Variants in CNTN4 observed in about 807,000 individuals in gnomAD.
CNTN4 encodes the protein contactin-4.
Under a neutral mutation model 122.5 loss-of-function variants are expected in CNTN4, and 77 were observed. The observed-to-expected ratio is 0.63, with a 90% CI of 0.52 to 0.76. The LOEUF (loss-of-function observed/expected upper bound fraction) is 0.76, where lower values mean the gene tolerates loss of function less well. CNTN4 is among the 30% of genes least tolerant of loss of function. The pLI is 0.00. For synonymous variants in CNTN4, 512 were observed against 447.0 expected, an observed-to-expected ratio of 1.15 and a Z score of -1.83; for missense variants, 1,256 against 1,259.1, an observed-to-expected ratio of 1.00 and a Z score of 0.04.
intron 6 of CNTN4, among the ~76,000 whole-genome samples, chr3:2,791,737 C>A (rs1179938399): frequency 6.6e-6 from 1 of 152,134 alleles, no homozygotes; most frequent in Non-Finnish European, 1.5e-5. Context: ...ATACCCGAAA[C>A]TTAGTAGGAA....
intron 4 of CNTN4, among the ~76,000 whole-genome samples, chr3:2,593,066 C>T (rs2080577346): frequency 6.6e-6 from 1 of 152,152 alleles, no homozygotes; most frequent in South Asian, 2.1e-4. Context: ...AACACCCACT[C>T]AGCTCTCCCT....
At chr3:2,254,248 C>G (rs564572166) in intron 2 of CNTN4, among the ~76,000 whole-genome samples, 2 of 152,148 alleles carry the variant, frequency 1.3e-5, no homozygotes, top group South Asian at 2.1e-4. Flanking sequence ...GCATAGTATT[C>G]CATGGTGTAT....
In CNTN4 at chr3:3,006,063, C is replaced by T. The variant is rs564595099; in HGVS notation, c.1486+17591C>T. 7.9e-5 allele frequency among the ~76,000 whole-genome samples: 12 copies of T among 151,494 alleles called. No individual in the cohort carries two copies. In the East Asian group the frequency reaches 2.0e-3, roughly 25 times the overall value. On this transcript the variant is annotated intron_variant, in intron 14 of 24. Transcript: ENST00000418658. ...CCCACGCTCGGCTAATTTTTTTTTG[C>T]ATTTTTAGTAGAGACGGGGTTTCAG... is the stretch of plus-strand genomic sequence containing the variant.
At chr3:2,886,973 G>A (rs969645035) in intron 9 of CNTN4, 67 bp from the exon 10 acceptor site, 28 of 1,388,580 alleles carry the variant, frequency 2.0e-5, no homozygotes, top group South Asian at 9.7e-5. Context: ...AGAAGGAAGC[G>A]TTTAGGTTCA....
intron 8 of CNTN4, among the ~76,000 whole-genome samples, chr3:2,875,495 C>T (rs546171417): frequency 6.6e-6 from 1 of 152,256 alleles, no homozygotes; most frequent in South Asian, 2.1e-4. Flanking sequence ...ATGGGCCCAC[C>T]ACCTATTTTT....
At chr3:2,819,187 C>T (rs185157214) in intron 6 of CNTN4, among the ~76,000 whole-genome samples, 53 of 152,312 alleles carry the variant, frequency 3.5e-4, no homozygotes, top group African/African-American at 1.1e-3. Context: ...CATGTGGCTA[C>T]TGAGCACTTG....
chr3:2,684,625 A>T (rs1404557739), intron 4 of CNTN4, among the ~76,000 whole-genome samples: 2 of 152,300 alleles, frequency 1.3e-5, no homozygotes, highest in East Asian at 3.9e-4. Context: ...TTGCACCTAG[A>T]TTTAGCTAAA....
intron 4 of CNTN4, among the ~76,000 whole-genome samples, chr3:2,721,357 G>C (rs1412859577): frequency 1.3e-5 from 2 of 152,158 alleles, no homozygotes; most frequent in African/African-American, 4.8e-5. Flanking sequence ...TAGTGGCAGA[G>C]TAACCAAGGC....
chr3:2,141,197 A>G (rs1302442530), intron 2 of CNTN4, among the ~76,000 whole-genome samples: 1 of 152,296 alleles, frequency 6.6e-6, no homozygotes, highest in Middle Eastern at 3.4e-3. Context: ...TAATCTCTAG[A>G]ACCTCTGAAT....
intron 2 of CNTN4, among the ~76,000 whole-genome samples, chr3:2,318,537 G>A (rs961032485): frequency 6.6e-6 from 1 of 152,158 alleles, no homozygotes; most frequent in African/African-American, 2.4e-5. Context: ...CTCCTAACAT[G>A]TGAGAGCTGC....
chr3:2,898,467 C>G (rs1237645472), intron 10 of CNTN4, among the ~76,000 whole-genome samples: 2 of 152,172 alleles, frequency 1.3e-5, no homozygotes, highest in Non-Finnish European at 2.9e-5. Flanking sequence ...AGAATGAGCC[C>G]TCAGAAGTGC....
chr3:2,303,099 A>G (rs1020829508), intron 2 of CNTN4, among the ~76,000 whole-genome samples: 1 of 152,222 alleles, frequency 6.6e-6, no homozygotes, highest in African/African-American at 2.4e-5. Flanking sequence ...CTGTTTTCAG[A>G]TAAGGTGCTG....
intron 4 of CNTN4, among the ~76,000 whole-genome samples, chr3:2,710,623 A>G (rs902146807): frequency 1.3e-5 from 2 of 152,154 alleles, no homozygotes; most frequent in Admixed American, 6.5e-5. Context: ...GTCTGTCTTC[A>G]ACTAATTTTA....
At chr3:2,332,901 AT>A (rs1178794967) in intron 2 of CNTN4, among the ~76,000 whole-genome samples, 1 of 151,690 alleles carries the variant, frequency 6.6e-6, no homozygotes, top group African/African-American at 2.4e-5. Flanking sequence ...TTAAAAAAAA[AT>A]AAGACTTTTT....
chr3:2,891,882 GGT>G (rs1024604922), intron 10 of CNTN4, among the ~76,000 whole-genome samples: 3 of 152,182 alleles, frequency 2.0e-5, no homozygotes, highest in African/African-American at 7.2e-5. Context: ...GTTGTTTTGT[GGT>G]GAATGGATGA....
At chr3:2,393,378 A>G (rs1317388924) in intron 3 of CNTN4, among the ~76,000 whole-genome samples, 1 of 152,184 alleles carries the variant, frequency 6.6e-6, no homozygotes, top group Non-Finnish European at 1.5e-5. Context: ...ACACAATTTA[A>G]TGCGTGACAC....
intron 2 of CNTN4, among the ~76,000 whole-genome samples, chr3:2,104,229 CGTGT>C (rs142907603): frequency 7.4e-3 from 1,000 of 135,668 alleles, no homozygotes; most frequent in Middle Eastern, 0.012. Context: ...TTTATGTCTA[CGTGT>C]GTGTGTGTGT....
At chr3:2,271,044 G>T (rs140275085) in intron 2 of CNTN4, among the ~76,000 whole-genome samples, 3 of 152,068 alleles carry the variant, frequency 2.0e-5, no homozygotes, top group African/African-American at 7.2e-5. Flanking sequence ...TCTGCTTTTG[G>T]TGACAGTAGC....
At chr3:2,201,744 G>A (rs867911526) in intron 2 of CNTN4, among the ~76,000 whole-genome samples, 1 of 151,872 alleles carries the variant, frequency 6.6e-6, no homozygotes, top group Non-Finnish European at 1.5e-5. Context: ...TGGCAAAAAA[G>A]GATATTTTTT....
Sources: gnomAD v4.1 joint callset for allele counts (sites outside exome capture counted in the v4.1 genomes callset) on GRCh38, gnomAD v4.1.1 for gene constraint, MANE v1.5 for transcripts, NCBI Gene and HGNC (gene_info 2026-07-23, HGNC 2026-07-21) for gene names.